HSPA12A: variants seen among roughly 807,000 people sequenced by gnomAD.
The protein encoded by HSPA12A is heat shock 70 kDa protein 12A.
HSPA12A carries 28 observed loss-of-function variants against 69.2 expected under a neutral mutation model. The observed-to-expected ratio is 0.40, with a 90% confidence interval of 0.30 to 0.55. The LOEUF (loss-of-function observed/expected upper bound fraction) is 0.55. Among genes scored for constraint, HSPA12A ranks in the 20% least tolerant of loss-of-function variants. The probability of loss-of-function intolerance (pLI) is 0.38; values close to 1 mark genes in which losing one functional copy is unlikely to be tolerated. For synonymous variants in HSPA12A, 345 were observed against 370.5 expected, an observed-to-expected ratio of 0.93 and a Z score of 0.79; for missense variants, 686 against 900.7, an observed-to-expected ratio of 0.76 and a Z score of 3.05.
chr10:116,777,612 G>A (rs1407627183), intron 2 of HSPA12A, among the ~76,000 whole-genome samples: 3 of 152,204 alleles, frequency 2.0e-5, no homozygotes, highest in African/African-American at 7.2e-5. Context: ...CACCGAATAC[G>A]GAGTTGTAAA....
At position 116,804,023 on chromosome 10, in the gene HSPA12A, C is replaced by T. The variant is rs1474137359; in HGVS notation, c.91+30912G>A. ...TGAGAATCTCCCCTTAGCCCCTCCT[C>T]ATCCCCACTCACAAATCACGCACTG... is the stretch of plus-strand genomic sequence containing the variant. On this transcript the variant is annotated intron_variant, in intron 2 of 12. Coordinates refer to the HSPA12A transcript ENST00000635765. 2.0e-5 allele frequency among the ~76,000 whole-genome samples: 3 copies of T among 152,264 alleles called. No homozygotes were observed. The East Asian group carries it at 5.8e-4, about 29-fold the overall frequency.
chr10:116,737,982 G>A (rs782504448), intron 1 of HSPA12A, among the ~76,000 whole-genome samples: 2 of 152,198 alleles, frequency 1.3e-5, no homozygotes, highest in Admixed American at 1.3e-4. Context: ...TGCCCGCAGT[G>A]GCAGGCGCTC....
chr10:116,794,939 C>T (rs1844785120), intron 2 of HSPA12A, among the ~76,000 whole-genome samples: 2 of 151,924 alleles, frequency 1.3e-5, no homozygotes, highest in Admixed American at 1.3e-4. Context: ...TAGAATTGAT[C>T]AAAAAAGAAA....
chr10:116,732,785 C>A (rs1351903596), intron 1 of HSPA12A, among the ~76,000 whole-genome samples: 1 of 152,208 alleles, frequency 6.6e-6, no homozygotes, highest in Non-Finnish European at 1.5e-5. Context: ...GATCCTTGTG[C>A]CGTCTCTGAG....
At chr10:116,821,064 A>G (rs746401490) in intron 2 of HSPA12A, among the ~76,000 whole-genome samples, 7 of 151,910 alleles carry the variant, frequency 4.6e-5, no homozygotes, top group Non-Finnish European at 1.0e-4. Flanking sequence ...CATCTGTTCC[A>G]TCTCCACCTA....
intron 2 of HSPA12A, among the ~76,000 whole-genome samples, chr10:116,754,394 C>G (rs1843783211): frequency 6.6e-6 from 1 of 152,088 alleles, no homozygotes; most frequent in African/African-American, 2.4e-5. Context: ...TGTCCAGTAT[C>G]CTGATAAAGT....
At chr10:116,757,968 G>C (rs1843888569) in intron 2 of HSPA12A, among the ~76,000 whole-genome samples, 1 of 152,164 alleles carries the variant, frequency 6.6e-6, no homozygotes, top group South Asian at 2.1e-4. Flanking sequence ...AATAGGAGTA[G>C]CCTCTGCATA....
At chr10:116,830,409 A>G (rs1256458525) in intron 2 of HSPA12A, 1 of 152,208 alleles carries the variant, frequency 6.6e-6, no homozygotes, top group Non-Finnish European at 1.5e-5. Flanking sequence ...ATTTATGCAC[A>G]TATATACATA....
At position 116,675,428 on chromosome 10, in the gene HSPA12A, A is replaced by G; in HGVS notation, c.1391-10T>C. ...TTCTGAAACAGGTCCCCTGGAAGGG[A>G]AGAGGCAGGGAGAATGTCCTGTCAC... On this transcript the variant is annotated splice_polypyrimidine_tract_variant and intron_variant, in intron 11 of 11. Coordinates refer to ENST00000369209, the MANE Select transcript of HSPA12A (RefSeq NM_025015.3). This position sits in a 1 kb window ranked among gnomAD's most constrained non-coding sequence, Gnocchi z 5.2. 6.4e-7 allele frequency: 1 copy of G among 1,569,016 alleles called. No individual in the cohort carries two copies. The highest frequency in any genetic ancestry group is 8.6e-7 in the Non-Finnish European group (1 of 1,158,188).
chr10:116,744,127 C>G (rs72829667), upstream of HSPA12A, among the ~76,000 whole-genome samples: 6,821 of 152,278 alleles, frequency 0.045, 207 homozygotes, highest in African/African-American at 0.09. Flanking sequence ...GGTCTGTCCC[C>G]ACCCTACTCC....
At chr10:116,785,906 C>T (rs932400684) in intron 2 of HSPA12A, among the ~76,000 whole-genome samples, 1 of 152,122 alleles carries the variant, frequency 6.6e-6, no homozygotes, top group East Asian at 1.9e-4. Flanking sequence ...GACTGCAGGC[C>T]CACCCCATGG....
At chr10:116,813,913 G>A (rs1845247371) in intron 2 of HSPA12A, among the ~76,000 whole-genome samples, 1 of 152,064 alleles carries the variant, frequency 6.6e-6, no homozygotes, top group African/African-American at 2.4e-5. Flanking sequence ...TTATAGAAAT[G>A]TCTAGTAATA....
rs17095300 is a variant in HSPA12A, at chr10:116,814,347, G to A, written c.91+20588C>T. ...AAGTGGAGTTCCCAAGGCAGAGGGC[G>A]GCCAGCTGTTGGTGAGGATCCATAC... On this transcript the variant is annotated intron_variant, in intron 2 of 12. Transcript: ENST00000635765. 4.1e-3 allele frequency among the ~76,000 whole-genome samples: 623 copies of A among 152,238 alleles called. 5 individuals carry two copies. The highest frequency in any genetic ancestry group is 0.014 in the African/African-American group (572 of 41,552).
intron 11 of HSPA12A, 45 bp downstream of exon 11, chr10:116,676,354 T>C: frequency 6.6e-7 from 1 of 1,504,676 alleles, no homozygotes; most frequent in Non-Finnish European, 9.2e-7. Context: ...CCATCCCCTT[T>C]CTCAGCTCTG....
chr10:116,704,092 C>T (rs1294330900), intron 3 of HSPA12A, among the ~76,000 whole-genome samples: 1 of 152,198 alleles, frequency 6.6e-6, no homozygotes, highest in Non-Finnish European at 1.5e-5. Flanking sequence ...TGCCATTTGA[C>T]CCAGCCATCC....
chr10:116,850,133 C>T (rs1408355453), upstream of HSPA12A: 1 of 290,880 alleles, frequency 3.4e-6, no homozygotes, highest in African/African-American at 2.3e-5. Flanking sequence ...AGCAGCTCCT[C>T]TTTGATCACA....
chr10:116,717,619 G>A (rs1850646771), intron 1 of HSPA12A, among the ~76,000 whole-genome samples: 1 of 151,998 alleles, frequency 6.6e-6, no homozygotes, highest in South Asian at 2.1e-4. Flanking sequence ...GTAAAATCTG[G>A]CTCATGGCAA....
chr10:116,842,163 T>G (rs953130239), intron 1 of HSPA12A, among the ~76,000 whole-genome samples: 3 of 152,210 alleles, frequency 2.0e-5, no homozygotes, highest in Non-Finnish European at 4.4e-5. Context: ...TTCTCAAGTT[T>G]AATTACAAAA....
At chr10:116,750,588 A>G (rs1851754348) in intron 2 of HSPA12A, 7 of 322,866 alleles carry the variant, frequency 2.2e-5, no homozygotes, top group Non-Finnish European at 3.6e-5. Context: ...ATAAAAAAAC[A>G]GCATAACTCC....
Sources: allele counts gnomAD v4.1 joint callset (sites outside exome capture counted in the v4.1 genomes callset), GRCh38; gene constraint gnomAD v4.1.1; non-coding constraint Gnocchi (gnomAD v3.1); transcripts MANE v1.5; gene names NCBI Gene and HGNC (gene_info 2026-07-23, HGNC 2026-07-21).